The following DCLK1 variants were observed in gnomAD, a reference collection of about 807,000 sequenced individuals.
DCLK1 encodes the protein doublecortin like kinase 1.
DCLK1 carries 16 observed loss-of-function variants against 86.2 expected under a neutral mutation model. The ratio of observed to expected loss-of-function variants is 0.19; its 90% confidence interval spans 0.13 to 0.28. The LOEUF is 0.28. Among genes scored for constraint, DCLK1 ranks in the 10% least tolerant of loss-of-function variants. The pLI is 1.00. For synonymous variants in DCLK1, 369 were observed against 370.5 expected (o/e 1.00, Z 0.05); for missense variants, 590 against 940.2 (o/e 0.63, Z 4.87).
chr13:35,936,295 C>T (rs1359733906), intron 4 of DCLK1, among the ~76,000 whole-genome samples: 2 of 152,292 alleles, frequency 1.3e-5, no homozygotes, highest in Admixed American at 1.3e-4. Context: ...GCATAGAAGC[C>T]AGTTGCAAAT....
chr13:36,032,912 TATA>T (rs1223175710), intron 3 of DCLK1, among the ~76,000 whole-genome samples: 2 of 152,340 alleles, frequency 1.3e-5, no homozygotes, highest in Admixed American at 6.5e-5. Flanking sequence ...AATAATTCCT[TATA>T]ATACAAACAA....
intron 3 of DCLK1, among the ~76,000 whole-genome samples, chr13:36,030,281 G>C (rs2153153018): frequency 6.6e-6 from 1 of 152,064 alleles, no homozygotes; most frequent in East Asian, 1.9e-4. Context: ...ATGGTCTTTT[G>C]CTTTGTTTCT....
At chr13:35,850,078 A>G in intron 6 of DCLK1, 1 of 983,436 alleles carries the variant, frequency 1.0e-6, no homozygotes, top group Non-Finnish European at 1.2e-6. Flanking sequence ...CTAAAGCCTA[A>G]CTTCAGAGTC....
At chr13:35,828,474 G>A (rs1323248606) in intron 8 of DCLK1, among the ~76,000 whole-genome samples, 167 bp from the exon 9 acceptor site, 1 of 151,940 alleles carries the variant, frequency 6.6e-6, no homozygotes, top group Non-Finnish European at 1.5e-5. Flanking sequence ...ATATGTAAAC[G>A]TTGATGGACT....
intron 6 of DCLK1, among the ~76,000 whole-genome samples, chr13:35,840,374 C>A (rs577559825): frequency 2.0e-4 from 31 of 152,174 alleles, no homozygotes; most frequent in Non-Finnish European, 3.2e-4. Flanking sequence ...CTGCCTAAGT[C>A]ACTGCAGAGC....
chr13:35,788,132 T>A (rs2086653369), intron 16 of DCLK1: 1 of 1,305,910 alleles, frequency 7.7e-7, no homozygotes, highest in Non-Finnish European at 1.1e-6. Flanking sequence ...AGCATGTTTA[T>A]CCACCGAAGG....
chr13:35,797,699 A>T (rs183725581), intron 15 of DCLK1, among the ~76,000 whole-genome samples: 100 of 152,248 alleles, frequency 6.6e-4, no homozygotes, highest in South Asian at 6.0e-3. Flanking sequence ...ACAATGAAAA[A>T]GTCTGCAGTG....
chr13:35,895,749 A>AC (rs201346378), intron 4 of DCLK1, among the ~76,000 whole-genome samples: 59 of 151,864 alleles, frequency 3.9e-4, no homozygotes, highest in Middle Eastern at 6.8e-3. Flanking sequence ...TATAGCAAAA[A>AC]AAAACAAAAC....
chr13:35,937,142 T>TTTTTGTA (rs386378798), intron 4 of DCLK1, among the ~76,000 whole-genome samples: 4 of 150,458 alleles, frequency 2.7e-5, no homozygotes, highest in Non-Finnish European at 5.9e-5. Context: ...GCTATTTTTT[T>TTTTTGTA]TTTTGTATTT....
At chr13:36,061,500 C>G (rs1235008969) in intron 3 of DCLK1, among the ~76,000 whole-genome samples, 1 of 152,150 alleles carries the variant, frequency 6.6e-6, no homozygotes, top group Non-Finnish European at 1.5e-5. Flanking sequence ...TTTAAAAAGC[C>G]TCAATTCTCC....
chr13:36,006,956 C>T (rs1880998843), intron 3 of DCLK1, among the ~76,000 whole-genome samples: 1 of 152,206 alleles, frequency 6.6e-6, no homozygotes, highest in Non-Finnish European at 1.5e-5. Context: ...TTGCTGTTTC[C>T]TGTGCTCAGA....
chr13:35,973,305 G>T (rs938652808), intron 3 of DCLK1, among the ~76,000 whole-genome samples: 2 of 152,172 alleles, frequency 1.3e-5, no homozygotes, highest in Non-Finnish European at 2.9e-5. Context: ...AGGATCCCAG[G>T]CCTCCTGCTT....
intron 3 of DCLK1, among the ~76,000 whole-genome samples, chr13:36,081,834 T>G (rs1884431233): frequency 6.6e-6 from 1 of 152,202 alleles, no homozygotes; most frequent in Non-Finnish European, 1.5e-5. Context: ...CAGCCATTCT[T>G]TAGAGAAAGT....
At chr13:35,806,810 C>A (rs910149360) in intron 14 of DCLK1, among the ~76,000 whole-genome samples, 3 of 152,174 alleles carry the variant, frequency 2.0e-5, no homozygotes, top group Admixed American at 6.5e-5. Flanking sequence ...TCCTGAAGAG[C>A]CCCCGGCCCT....
At chr13:35,825,657 T>C (rs1443628001) in intron 10 of DCLK1, among the ~76,000 whole-genome samples, 1 of 152,150 alleles carries the variant, frequency 6.6e-6, no homozygotes, top group African/African-American at 2.4e-5. Flanking sequence ...ACAGAATGGC[T>C]TGAAGTTGTT....
In DCLK1 at chr13:36,104,289, A is replaced by G. The variant is rs1268792908; in HGVS notation, c.723+7580T>C. 2.0e-5 allele frequency among the ~76,000 whole-genome samples: 3 copies of G among 152,232 alleles called. No individual in the cohort carries two copies. In the East Asian group the frequency reaches 5.8e-4, roughly 29 times the overall value. On this transcript the variant is annotated intron_variant, in intron 3 of 16. Transcript: ENST00000360631. ...ACCACAGCAAACTGGTCAATCATCC[A>G]GCTACTTAGTCATTCAGTCATTTAC...
chr13:35,973,572 A>G (rs960152774), intron 3 of DCLK1, among the ~76,000 whole-genome samples: 7 of 152,250 alleles, frequency 4.6e-5, no homozygotes, highest in African/African-American at 1.2e-4. Flanking sequence ...ACACATCTTT[A>G]GATTCCAAAT....
intron 3 of DCLK1, among the ~76,000 whole-genome samples, chr13:36,017,907 G>T (rs1298315787): frequency 6.6e-6 from 1 of 152,018 alleles, no homozygotes; most frequent in African/African-American, 2.4e-5. Flanking sequence ...CCATCCTCCC[G>T]ACTCATTAGA....
chr13:35,817,133 G>A (rs895885260), intron 11 of DCLK1, among the ~76,000 whole-genome samples: 2 of 152,142 alleles, frequency 1.3e-5, no homozygotes, highest in African/African-American at 4.8e-5. Context: ...ACAGCAGAAA[G>A]GAGCAGTGAA....
Sources: gnomAD v4.1 joint callset for allele counts (sites outside exome capture counted in the v4.1 genomes callset) on GRCh38, gnomAD v4.1.1 for gene constraint, MANE v1.5 for transcripts, NCBI Gene and HGNC (gene_info 2026-07-23, HGNC 2026-07-21) for gene names.